Variants in STK31 observed in about 807,000 individuals in gnomAD.
STK31 encodes the protein serine/threonine-protein kinase 31.
A neutral mutation model predicts 129.7 loss-of-function variants in STK31; 89 were observed. That is an observed-to-expected ratio of 0.69 (90% CI 0.58 to 0.82). STK31 has a LOEUF of 0.82. Among genes scored for constraint, STK31 ranks in the 40% least tolerant of loss-of-function variants. STK31 has a pLI of 0.00. For synonymous variants in STK31, 448 were observed against 395.3 expected (o/e 1.13, Z -1.58); for missense variants, 1,187 against 1,176.4 (o/e 1.01, Z -0.13).
intron 23 of STK31, among the ~76,000 whole-genome samples, chr7:23,819,447 G>T (rs897709928): frequency 2.4e-4 from 35 of 145,910 alleles, no homozygotes; most frequent in African/African-American, 7.7e-4. Flanking sequence ...AGACAGTCTT[G>T]CTTGGTTGCC....
At chr7:23,824,436 G>T (rs1793983262) in intron 23 of STK31, among the ~76,000 whole-genome samples, 1 of 152,132 alleles carries the variant, frequency 6.6e-6, no homozygotes, top group African/African-American at 2.4e-5. Flanking sequence ...TGTGATTTTT[G>T]CACATTGATT....
chr7:23,806,322 G>A (rs554099432), intron 22 of STK31, among the ~76,000 whole-genome samples: 19 of 152,282 alleles, frequency 1.2e-4, no homozygotes, highest in African/African-American at 4.6e-4. Context: ...TTTCACACGT[G>A]ATACCTGGTT....
intron 4 of STK31, among the ~76,000 whole-genome samples, chr7:23,725,270 C>T (rs1786984699): frequency 6.8e-6 from 1 of 146,810 alleles, no homozygotes; most frequent in Non-Finnish European, 1.5e-5. Context: ...CATGGGGGCT[C>T]ATGCCCGTAA....
Position 23,754,475 on chromosome 7 carries a change from G to T in STK31, c.1293+1G>T. The T allele has an allele frequency of 6.2e-7, 1 of 1,606,184 alleles. No individual in the cohort carries two copies. Among genetic ancestry groups the T allele is most frequent in the Non-Finnish European group, 8.5e-7 (1 of 1,178,026 alleles). ...GAATATTAAAACTTGTGAATATGTG[G>T]TGAGTTGGGAATTTTTCTCTATTGT... On this transcript the variant is annotated splice_donor_variant, in intron 10 of 23. Transcript: ENST00000355870. LOFTEE classifies it high-confidence loss of function.
chr7:23,712,649 G>GT (rs1217694757), intron 3 of STK31, among the ~76,000 whole-genome samples: 1 of 152,108 alleles, frequency 6.6e-6, no homozygotes, highest in African/African-American at 2.4e-5. Context: ...CTTGAAGGAG[G>GT]ATAAGTTAAA....
chr7:23,730,781 GAATT>G (rs1158536011), intron 6 of STK31, among the ~76,000 whole-genome samples: 2 of 146,374 alleles, frequency 1.4e-5, no homozygotes, highest in African/African-American at 5.0e-5. Context: ...TTTTAGAACT[GAATT>G]AATAAACTGC....
chr7:23,752,769 A>C lies in STK31; in HGVS notation c.1070A>C (p.Lys357Thr). The C allele has an allele frequency of 6.2e-7, 1 of 1,613,748 alleles. No homozygotes were observed. The highest frequency in any genetic ancestry group is 8.5e-7 in the Non-Finnish European group (1 of 1,179,870). The change falls in exon 9 of 24, where the codon AAG (lysine) becomes ACG (threonine). Residue 357 changes from lysine (K) to threonine (T), a missense_variant. This residue lies in a region of STK31 where 975 missense variants were observed against 934.9 expected (regional missense o/e 1.04). Transcript: ENST00000355870. ...ACTAACCACTTAGAATACACTCTGAAGACCTATATAGATACCAGAATGAAA... is the reference window on the plus strand; with the variant it reads ...ACTAACCACTTAGAATACACTCTGACGACCTATATAGATACCAGAATGAAA... ...DLTNHLEYTL[K>T]TYIDTRMKNL... is the part of the protein sequence containing the mutation.
intron 11 of STK31, among the ~76,000 whole-genome samples, chr7:23,767,928 T>C (rs1789934223): frequency 6.6e-6 from 1 of 152,174 alleles, no homozygotes; most frequent in South Asian, 2.1e-4. Flanking sequence ...TTTTCTTATC[T>C]CTGTAAAATT....
chr7:23,808,982 T>TGTGTGTGTGTGCGCC (rs1230870285), intron 22 of STK31, among the ~76,000 whole-genome samples: 1 of 149,272 alleles, frequency 6.7e-6, no homozygotes, highest in Non-Finnish European at 1.5e-5. Context: ...CCTGTGTCTG[T>TGTGTGTGTGTGCGCC]TGGCATTTCT....
At chr7:23,725,492 A>G (rs775916086) in intron 4 of STK31, among the ~76,000 whole-genome samples, 8 of 151,698 alleles carry the variant, frequency 5.3e-5, no homozygotes, top group Admixed American at 1.3e-4. Context: ...ACAGTGAGCT[A>G]TGATCATGCC....
intron 23 of STK31, among the ~76,000 whole-genome samples, chr7:23,827,501 A>G (rs988527137): frequency 6.6e-6 from 1 of 151,384 alleles, no homozygotes; most frequent in Non-Finnish European, 1.5e-5. Flanking sequence ...CATTTGTCTT[A>G]TTTTTTTCAA....
chr7:23,750,118 T>A (rs895092612), intron 8 of STK31, among the ~76,000 whole-genome samples: 14 of 139,772 alleles, frequency 1.0e-4, no homozygotes, highest in African/African-American at 3.6e-4. Flanking sequence ...CGATGATATG[T>A]ATGATACTGT....
In STK31 at chr7:23,790,934, C is replaced by A; in HGVS notation, c.2748C>A (p.Cys916Ter). 1 of 1,569,028 alleles carries A rather than the reference C, an allele frequency of 6.4e-7. No individual in the cohort carries two copies. The highest frequency in any genetic ancestry group is 1.2e-5 in the South Asian group (1 of 81,436). ...GTTCAGACTTATATGCTTATGGCTG[C>A]CTCTTATTATGGGTATGTTATTTTT... ...SPGSDLYAYG[C>*]LLLWLSVQNQ... is the part of the protein sequence containing the mutation. Residue 916 changes from cysteine to a stop codon, truncating the protein, a stop_gained, in exon 22 of 24, where the codon TGC (cysteine) becomes TGA (stop). Coordinates refer to ENST00000355870, the MANE Select transcript of STK31 (RefSeq NM_031414.5). LOFTEE classifies it high-confidence loss of function.
chr7:23,782,189 C>T (rs1217364554), intron 16 of STK31, among the ~76,000 whole-genome samples: 1 of 151,934 alleles, frequency 6.6e-6, no homozygotes, highest in Non-Finnish European at 1.5e-5. Flanking sequence ...AGTAAAAATA[C>T]TGACCGGGCA....
intron 4 of STK31, among the ~76,000 whole-genome samples, chr7:23,724,429 A>G (rs191895813): frequency 1.1e-4 from 17 of 152,332 alleles, no homozygotes; most frequent in South Asian, 2.1e-4. Flanking sequence ...TAGGTGATTA[A>G]AGAGACAAAC....
At chr7:23,752,972 T>C in intron 9 of STK31, 140 bp downstream of exon 9, 1 of 615,708 alleles carries the variant, frequency 1.6e-6, no homozygotes, top group Non-Finnish European at 2.9e-6. Flanking sequence ...AGAAAGATAG[T>C]TATTTCTGAG....
Position 23,785,467 on chromosome 7 carries a change from C to T in STK31, c.2149-11C>T. The T allele has an allele frequency of 1.9e-6, 3 of 1,610,448 alleles. No individual in the cohort carries two copies. Among genetic ancestry groups the T allele is most frequent in the East Asian group, 2.2e-5 (1 of 44,740 alleles). On this transcript the variant is annotated splice_polypyrimidine_tract_variant and intron_variant, in intron 17 of 23. Coordinates refer to ENST00000355870, the MANE Select transcript of STK31 (RefSeq NM_031414.5). ...TTGGATTCTTTAACTGTGATAAAAA[C>T]TTGTGCCTAGAACTCTGGTGGTCTC...
At chr7:23,798,578 C>G (rs1416183611) in intron 22 of STK31, among the ~76,000 whole-genome samples, 1 of 151,986 alleles carries the variant, frequency 6.6e-6, no homozygotes, top group African/African-American at 2.4e-5. Flanking sequence ...TCTCAATAAA[C>G]TAGGTATTGA....
rs1249095181 is a variant in STK31, at chr7:23,785,555, G to A, written c.2226G>A (p.Lys742=). Residue 742 remains lysine (K), a synonymous_variant, in exon 18 of 24, where the codon AAG becomes AAA. Transcript: ENST00000355870. The part of the protein sequence containing the change: ...DAEPMKELSS[K]RPLVRSEVNG... ...AGCCCATGAAGGAACTTAGCAGCAA[G>A]CGTCCTTTGGTACGTTCTGAGGTTA... is the stretch of plus-strand genomic sequence containing the variant. 2 of 1,613,870 alleles carry A rather than the reference G, an allele frequency of 1.2e-6. No homozygotes were observed. Among genetic ancestry groups the A allele is most frequent in the Non-Finnish European group, 1.7e-6 (2 of 1,179,888 alleles).
Sources: gnomAD v4.1 joint callset for allele counts (sites outside exome capture counted in the v4.1 genomes callset) on GRCh38, gnomAD v4.1.1 for gene constraint, gnomAD v4.1.1 regional missense constraint, MANE v1.5 for transcripts, NCBI Gene and HGNC (gene_info 2026-07-23, HGNC 2026-07-21) for gene names.